PRDM15: variants seen among roughly 807,000 people sequenced by gnomAD.
The protein encoded by PRDM15 is PR domain zinc finger protein 15.
A neutral mutation model predicts 128.6 loss-of-function variants in PRDM15; 64 were observed. The observed-to-expected ratio is 0.50, with a 90% CI of 0.41 to 0.61. PRDM15 has a LOEUF of 0.61. Ranked by LOEUF, PRDM15 falls within the 20% of genes least tolerant of loss-of-function variation. The probability of loss-of-function intolerance (pLI) is 0.00; values close to 1 mark genes in which losing one functional copy is unlikely to be tolerated. For missense variants in PRDM15, 1,242 were observed against 1,569.1 expected (o/e 0.79, Z 3.52); for synonymous variants, 615 against 621.8 (o/e 0.99, Z 0.16).
chr21:41,801,414 C>T lies in PRDM15; in HGVS notation c.3252G>A (p.Leu1084=). 2 of 1,613,972 alleles carry T rather than the reference C, an allele frequency of 1.2e-6. No individual in the cohort carries two copies. Among genetic ancestry groups the T allele is most frequent in the Non-Finnish European group, 1.7e-6 (2 of 1,179,910 alleles). ...TCCCCAGGGGCGTGATGGAGTTGAC[C>T]AGGGTCGTCAGGTTGATGAAATGGG... The part of the protein sequence containing the change: ...SVAHFINLTT[L]VNSITPLGSQ... The change falls in exon 24 of 24, where the codon CTG becomes CTA. Residue 1084 remains leucine, a synonymous_variant. Transcript: ENST00000398548.
Position 41,834,529 on chromosome 21 carries a change from C to T in PRDM15, c.1366+908G>A, listed in dbSNP as rs146395573. On this transcript the variant is annotated intron_variant, in intron 11 of 23. Transcript: ENST00000398548. ...CCTGGTAGGTCTCTAAGCCGACTGC[C>T]GCCGGGCCCCCCCTCTCCAGGGTGT... 7.0e-3 allele frequency: 10,914 copies of T among 1,550,316 alleles called. 64 individuals carry two copies. Among genetic ancestry groups the T allele is most frequent in the East Asian group, 0.036 (1,483 of 40,908 alleles).
At chr21:41,816,450 C>T (rs1272757256) in intron 18 of PRDM15, among the ~76,000 whole-genome samples, 4 of 152,188 alleles carry the variant, frequency 2.6e-5, no homozygotes, top group African/African-American at 9.7e-5. Context: ...GGCTGACACG[C>T]ACCAGGGAAC....
intron 1 of PRDM15, chr21:41,863,189 A>C (rs1166329426): frequency 6.7e-6 from 1 of 149,026 alleles, no homozygotes; most frequent in Non-Finnish European, 1.5e-5. Context: ...AAAAAAAAAA[A>C]GTGTGAGGTC....
In PRDM15 at chr21:41,862,005, T is replaced by A; in HGVS notation, c.-9-1633A>T. On this transcript the variant is annotated intron_variant, in intron 1 of 23. Transcript: ENST00000398548. The surrounding 1 kb of genome is among the most constrained non-coding windows in gnomAD (Gnocchi z 4.1). ...CCGCATTCGGCCTTGCCTGCCCCAG[T>A]TCCTGTGGATGGGCACCTCGGCGCA... is the stretch of plus-strand genomic sequence containing the variant. 1.9e-6 allele frequency: 3 copies of A among 1,611,760 alleles called. No individual in the cohort carries two copies. The highest frequency in any genetic ancestry group is 2.5e-6 in the Non-Finnish European group (3 of 1,178,692).
rs1259808336 is a variant in PRDM15 at position 41,832,316 on chromosome 21, T to C, written c.1366+3121A>G. Among the ~76,000 whole-genome samples the C allele has an allele frequency of 6.6e-6, 1 of 152,130 alleles. No homozygotes were observed. Among genetic ancestry groups the C allele is most frequent in the Non-Finnish European group, 1.5e-5 (1 of 68,016 alleles). Reference sequence around the variant, plus strand: ...CACCTTACAGCGCTGTGGCATCAGATTGCCACAGGCCACACCTTACAGCAC... The same window carrying C: ...CACCTTACAGCGCTGTGGCATCAGACTGCCACAGGCCACACCTTACAGCAC... On this transcript the variant is annotated intron_variant, in intron 11 of 23. Coordinates refer to ENST00000398548, the MANE Select transcript of PRDM15 (RefSeq NM_001040424.3). The surrounding 1 kb of genome is among the most constrained non-coding windows in gnomAD (Gnocchi z 4.2).
intron 1 of PRDM15, chr21:41,867,245 A>G: frequency 7.0e-7 from 1 of 1,419,170 alleles, no homozygotes; most frequent in Non-Finnish European, 9.9e-7. Flanking sequence ...CGGTAGTCAA[A>G]CTTCGTAACA....
chr21:41,842,812 T>A (rs1388188144), intron 6 of PRDM15, among the ~76,000 whole-genome samples: 1 of 113,156 alleles, frequency 8.8e-6, no homozygotes, highest in African/African-American at 3.3e-5. Context: ...TGAGACGGAG[T>A]CTCACTCTGT....
chr21:41,865,785 C>T (rs752213801), intron 1 of PRDM15, among the ~76,000 whole-genome samples: 1 of 152,214 alleles, frequency 6.6e-6, no homozygotes, highest in Non-Finnish European at 1.5e-5. Context: ...TGCTCTGTCA[C>T]CCAAGCTGGA....
chr21:41,872,941 C>T (rs4920078), intron 1 of PRDM15, among the ~76,000 whole-genome samples: 42,950 of 152,154 alleles, frequency 0.28, 6,251 homozygotes, highest in East Asian at 0.32. Flanking sequence ...TTGTGTGCTG[C>T]ACGTGCACGG....
rs768580972 is a variant in PRDM15, at chr21:41,824,763, C to CA, written c.1629+1196dup. 5.5e-4 allele frequency among the ~76,000 whole-genome samples: 84 copies of CA among 152,356 alleles called. 1 individual carries two copies. The highest frequency in any genetic ancestry group is 2.1e-3 in the South Asian group (10 of 4,828). ...CAGTCCGGAGCCTCACCTGGACCCC[C>CA]AGCCACACCTCCCTGCTCACTCATT... On this transcript the variant is annotated intron_variant, in intron 13 of 23. Coordinates refer to ENST00000398548, the MANE Select transcript of PRDM15 (RefSeq NM_001040424.3).
Position 41,825,140 on chromosome 21 carries a change from C to A in PRDM15, c.1629+820G>T, listed in dbSNP as rs181412147. On this transcript the variant is annotated intron_variant, in intron 13 of 23. Transcript: ENST00000398548. ...CATGAGCTTTGCATCCTGTGAGGGACAGTTCCTAGGCCTCCGAGGACAGAT... is the reference window on the plus strand; with the variant it reads ...CATGAGCTTTGCATCCTGTGAGGGAAAGTTCCTAGGCCTCCGAGGACAGAT... Among the ~76,000 whole-genome samples, 35 of 152,374 alleles carry A rather than the reference C, an allele frequency of 2.3e-4. 2 individuals carry two copies. Among genetic ancestry groups the A allele is most frequent in the Admixed American group, 2.3e-3 (35 of 15,312 alleles).
chr21:41,878,576 C>G (rs1178785586), intron 1 of PRDM15: 1 of 515,816 alleles, frequency 1.9e-6, no homozygotes, highest in Non-Finnish European at 3.2e-6. Flanking sequence ...CGCCCCGTCC[C>G]CGAACGGCCA....
chr21:41,860,490 T>C (rs2063777902), intron 1 of PRDM15, 118 bp from the exon 2 acceptor site: 3 of 791,992 alleles, frequency 3.8e-6, no homozygotes, highest in Non-Finnish European at 6.2e-6. Flanking sequence ...TGGCAGGATC[T>C]TGGCTCACTG....
chr21:41,836,403 T>C, intron 9 of PRDM15, 65 bp downstream of exon 9: 1 of 1,516,676 alleles, frequency 6.6e-7, no homozygotes. Context: ...CTCCGTGCTG[T>C]CCTCCCACCC....
Position 41,844,774 on chromosome 21 carries a change from G to A in PRDM15, c.640+2316C>T, listed in dbSNP as rs143274787. The stretch of plus-strand genomic sequence containing the variant: ...CTTCCCCCTCACAGGGACACACACA[G>A]TCCCTCCCCCCTCACAGGGACACAC... On this transcript the variant is annotated intron_variant, in intron 6 of 23. Transcript: ENST00000398548. Among the ~76,000 whole-genome samples the A allele has an allele frequency of 7.8e-3, 54 of 6,904 alleles. 5 individuals carry two copies. Among genetic ancestry groups the A allele is most frequent in the Non-Finnish European group, 0.014 (47 of 3,432 alleles). The allele number at this position is 6,904 out of a possible 152,430, so 4.5% of individuals were successfully genotyped here.
chr21:41,830,339 C>T (rs1261077959), intron 11 of PRDM15, among the ~76,000 whole-genome samples: 2 of 150,654 alleles, frequency 1.3e-5, no homozygotes, highest in African/African-American at 4.9e-5. Flanking sequence ...CCACACACAA[C>T]CCACACACAA....
Position 41,828,087 on chromosome 21 carries a change from C to A in PRDM15, c.1534+79G>T. The stretch of plus-strand genomic sequence containing the variant: ...ACCGAACTGCTCCCCAAAGGCCCTG[C>A]TGACTGCTCCATGCCGCCCTGCCCC... On this transcript the variant is annotated intron_variant, in intron 12 of 23. Coordinates refer to ENST00000398548, the MANE Select transcript of PRDM15 (RefSeq NM_001040424.3). This position sits in a 1 kb window ranked among gnomAD's most constrained non-coding sequence, Gnocchi z 5.7. 1.3e-6 allele frequency: 2 copies of A among 1,511,486 alleles called. No homozygotes were observed. Among genetic ancestry groups the A allele is most frequent in the Non-Finnish European group, 9.1e-7 (1 of 1,100,228 alleles). The allele number at this position is 1,511,486 out of a possible 1,614,324, so 93.6% of individuals were successfully genotyped here.
chr21:41,859,084 G>T lies in PRDM15; in HGVS notation c.131+508C>A. The T allele has an allele frequency of 1.3e-6, 2 of 1,586,772 alleles. No homozygotes were observed. The highest frequency in any genetic ancestry group is 1.3e-5 in the African/African-American group (1 of 74,782). On this transcript the variant is annotated intron_variant, in intron 3 of 23. Transcript: ENST00000398548. This position sits in a 1 kb window ranked among gnomAD's most constrained non-coding sequence, Gnocchi z 5.3. ...TCCCCCAGGTGAGGGTGGAACGGCA[G>T]GGCAGCTGCTGCCCACTGAGCCGCC...
rs1175807387 is a variant in PRDM15 at position 41,821,886 on chromosome 21, G to A, written c.1896+17C>T. On this transcript the variant is annotated intron_variant, in intron 15 of 23. Coordinates refer to ENST00000398548, the MANE Select transcript of PRDM15 (RefSeq NM_001040424.3). This position sits in a 1 kb window ranked among gnomAD's most constrained non-coding sequence, Gnocchi z 5.4. The stretch of plus-strand genomic sequence containing the variant: ...CTCTCCAGACCACCCAGGCACCGCG[G>A]GGCAAACCCGCCATACCTGGCACCG... 10 of 1,613,238 alleles carry A rather than the reference G, an allele frequency of 6.2e-6. No individual in the cohort carries two copies. Among genetic ancestry groups the A allele is most frequent in the South Asian group, 1.1e-5 (1 of 91,072 alleles).
Sources: gnomAD v4.1 joint callset for allele counts (sites outside exome capture counted in the v4.1 genomes callset) on GRCh38, gnomAD v4.1.1 for gene constraint, Gnocchi (gnomAD v3.1) non-coding constraint, MANE v1.5 for transcripts, NCBI Gene and HGNC (gene_info 2026-07-23, HGNC 2026-07-21) for gene names.